LDLRAD4: variants seen among roughly 807,000 people sequenced by gnomAD.
LDLRAD4 encodes the protein low density lipoprotein receptor class A domain containing 4.
LDLRAD4 carries 5 observed loss-of-function variants against 17.0 expected under a neutral mutation model. The ratio of observed to expected loss-of-function variants is 0.29; its 90% CI spans 0.15 to 0.62. The LOEUF (loss-of-function observed/expected upper bound fraction) is 0.62. LDLRAD4 is among the 20% of genes least tolerant of loss of function. The pLI, the probability that LDLRAD4 is intolerant of heterozygous loss-of-function variation, is 0.84. For synonymous variants in LDLRAD4, 168 were observed against 171.8 expected (o/e 0.98, Z 0.17); for missense variants, 340 against 424.7 (o/e 0.80, Z 1.75).
chr18:13,309,071 A>G (rs892169200), intron 1 of LDLRAD4, among the ~76,000 whole-genome samples: 1 of 152,200 alleles, frequency 6.6e-6, no homozygotes, highest in Non-Finnish European at 1.5e-5. Context: ...AGCTGGAAGG[A>G]GATTGTAATT....
chr18:13,275,943 G>A (rs938992475), upstream of LDLRAD4, among the ~76,000 whole-genome samples: 1 of 152,174 alleles, frequency 6.6e-6, no homozygotes, highest in Non-Finnish European at 1.5e-5. Context: ...GTACAGATGT[G>A]TATGCGTTTA....
At chr18:13,493,747 T>C (rs2093405002) in intron 3 of LDLRAD4, among the ~76,000 whole-genome samples, 1 of 152,150 alleles carries the variant, frequency 6.6e-6, no homozygotes, top group Non-Finnish European at 1.5e-5. Context: ...GAGTTGGACA[T>C]GGCCTCTTTA....
intron 3 of LDLRAD4, among the ~76,000 whole-genome samples, chr18:13,529,605 T>C (rs2094095788): frequency 6.6e-6 from 1 of 152,208 alleles, no homozygotes; most frequent in South Asian, 2.1e-4. Context: ...GAAGTGTGGT[T>C]TTCATAGTCA....
intron 1 of LDLRAD4, among the ~76,000 whole-genome samples, chr18:13,322,969 A>C (rs1404440604): frequency 6.6e-6 from 1 of 152,120 alleles, no homozygotes; most frequent in African/African-American, 2.4e-5. Flanking sequence ...TTACAGATGG[A>C]TAATGTAAAT....
intron 3 of LDLRAD4, among the ~76,000 whole-genome samples, chr18:13,444,977 A>T (rs2091288778): frequency 6.6e-6 from 1 of 152,208 alleles, no homozygotes; most frequent in South Asian, 2.1e-4. Context: ...TGTCCTTCCC[A>T]TGTGTGTTTA....
rs879645158 is a variant in LDLRAD4, at chr18:13,387,425, G to A, written c.-298G>A. ...GACCCTGCAGGATGCTGGCAGCGGCGTGGCCAGGGGCGCCCGTGTTCTGAG... is the reference window on the plus strand; with the variant it reads ...GACCCTGCAGGATGCTGGCAGCGGCATGGCCAGGGGCGCCCGTGTTCTGAG... On this transcript the variant is annotated 5_prime_UTR_variant, in exon 2 of 6. The change creates a new upstream start codon in the 5' untranslated region. Coordinates refer to ENST00000359446, the Ensembl canonical transcript of LDLRAD4. 3.6e-5 allele frequency: 12 copies of A among 332,920 alleles called. No homozygotes were observed. Among genetic ancestry groups the A allele is most frequent in the East Asian group, 1.4e-4 (2 of 14,710 alleles). The allele number at this position is 332,920 out of a possible 1,614,324, so 20.6% of individuals were successfully genotyped here.
At chr18:13,577,849 C>A (rs1306249249) in intron 3 of LDLRAD4, among the ~76,000 whole-genome samples, 3 of 152,010 alleles carry the variant, frequency 2.0e-5, no homozygotes, top group Admixed American at 6.5e-5. Context: ...GAAAAAGGCA[C>A]TGGAAACACC....
At chr18:13,478,172 G>C (rs1292059590) in intron 3 of LDLRAD4, among the ~76,000 whole-genome samples, 1 of 152,204 alleles carries the variant, frequency 6.6e-6, no homozygotes, top group African/African-American at 2.4e-5. Context: ...TTGACTCGGG[G>C]TTGTCTGAGA....
intron 2 of LDLRAD4, among the ~76,000 whole-genome samples, chr18:13,405,213 G>A (rs2087617691): frequency 6.6e-6 from 1 of 151,866 alleles, no homozygotes; most frequent in East Asian, 1.9e-4. Context: ...TTCATATATA[G>A]CATCTCTTTA....
At chr18:13,589,291 A>G (rs903632952) in intron 3 of LDLRAD4, among the ~76,000 whole-genome samples, 1 of 152,126 alleles carries the variant, frequency 6.6e-6, no homozygotes, top group African/African-American at 2.4e-5. Flanking sequence ...GGGAGAAGGC[A>G]GGTGAAATGA....
chr18:13,425,675 G>T (rs72874887), intron 2 of LDLRAD4, among the ~76,000 whole-genome samples: 686 of 152,330 alleles, frequency 4.5e-3, no homozygotes, highest in Non-Finnish European at 7.7e-3. Context: ...GGAGCGTTCA[G>T]GCTGGAGTGA....
upstream of LDLRAD4, among the ~76,000 whole-genome samples, chr18:13,273,610 T>A (rs1567956087): frequency 6.6e-6 from 1 of 152,138 alleles, no homozygotes; most frequent in East Asian, 1.9e-4. Context: ...TTTAAATGGC[T>A]CTGCTTCCCA....
chr18:13,518,269 A>G (rs1009824941), intron 3 of LDLRAD4, among the ~76,000 whole-genome samples: 1 of 151,974 alleles, frequency 6.6e-6, no homozygotes, highest in Non-Finnish European at 1.5e-5. Flanking sequence ...CTGCTTTTAC[A>G]TCCTGGGTAA....
At chr18:13,527,073 G>A (rs2094043823) in intron 3 of LDLRAD4, among the ~76,000 whole-genome samples, 1 of 152,244 alleles carries the variant, frequency 6.6e-6, no homozygotes, top group South Asian at 2.1e-4. Context: ...GAGAACGTTG[G>A]GCAGTGATGC....
At chr18:13,294,822 TAAA>T (rs11362104) in intron 1 of LDLRAD4, among the ~76,000 whole-genome samples, 2 of 135,218 alleles carry the variant, frequency 1.5e-5, no homozygotes, top group Non-Finnish European at 3.2e-5. Flanking sequence ...TGTAAAATAG[TAAA>T]AAAAAAAAAA....
At chr18:13,634,407 G>A (rs1451247359) in intron 4 of LDLRAD4, among the ~76,000 whole-genome samples, 1 of 152,094 alleles carries the variant, frequency 6.6e-6, no homozygotes, top group Non-Finnish European at 1.5e-5. Flanking sequence ...AAAATCAATT[G>A]CATTTATTTT....
At chr18:13,456,634 G>T (rs1223978863) in intron 3 of LDLRAD4, among the ~76,000 whole-genome samples, 1 of 152,258 alleles carries the variant, frequency 6.6e-6, no homozygotes, top group Non-Finnish European at 1.5e-5. Context: ...TGAATGTCCA[G>T]TGCAGGGTCC....
chr18:13,305,961 A>G (rs962456801), intron 1 of LDLRAD4, among the ~76,000 whole-genome samples: 1 of 152,242 alleles, frequency 6.6e-6, no homozygotes, highest in African/African-American at 2.4e-5. Flanking sequence ...AAGGATCTAA[A>G]GATGGAGAAT....
rs150581690 is a variant in LDLRAD4 at position 13,570,468 on chromosome 18, C to T, written c.182-50649C>T. On this transcript the variant is annotated intron_variant, in intron 3 of 5. Coordinates refer to ENST00000359446, the Ensembl canonical transcript of LDLRAD4. ...ATCCATGGCACCCGAGGCTTCCAGG[C>T]GCCTCCTGCCCATTCCACACAAAGC... 4.3e-3 allele frequency among the ~76,000 whole-genome samples: 649 copies of T among 152,326 alleles called. 4 individuals carry two copies. Among genetic ancestry groups the T allele is most frequent in the African/African-American group, 0.015 (620 of 41,576 alleles).
Sources: allele counts gnomAD v4.1 joint callset (sites outside exome capture counted in the v4.1 genomes callset), GRCh38; gene constraint gnomAD v4.1.1; transcripts MANE v1.5; gene names NCBI Gene and HGNC (gene_info 2026-07-23, HGNC 2026-07-21).